Variants in BSN observed in about 807,000 individuals in gnomAD.
BSN encodes the protein protein bassoon.
A neutral mutation model predicts 264.8 loss-of-function variants in BSN; 57 were observed. The ratio of observed to expected loss-of-function variants is 0.22; its 90% CI spans 0.17 to 0.27. The LOEUF (loss-of-function observed/expected upper bound fraction) is 0.27. Ranked by LOEUF, BSN falls within the 10% of genes least tolerant of loss-of-function variation. The probability of loss-of-function intolerance (pLI) is 1.00; values close to 1 mark genes in which losing one functional copy is unlikely to be tolerated. For synonymous variants in BSN, 2,059 were observed against 2,137.3 expected, an observed-to-expected ratio of 0.96 and a Z score of 1.01; for missense variants, 4,615 against 5,232.5, an observed-to-expected ratio of 0.88 and a Z score of 3.64.
At chr3:49,658,234 T>A in intron 5 of BSN, 38 bp downstream of exon 5, 1 of 1,495,040 alleles carries the variant, frequency 6.7e-7, no homozygotes, top group Non-Finnish European at 8.9e-7. Context: ...GGGACAGGGG[T>A]CTCTGCCTAG....
At chr3:49,611,018 C>G (rs369170291) in intron 1 of BSN, among the ~76,000 whole-genome samples, 1 of 152,144 alleles carries the variant, frequency 6.6e-6, no homozygotes, top group Non-Finnish European at 1.5e-5. Context: ...CCAGGCAGCC[C>G]CTAAGGGCAG....
At position 49,653,357 on chromosome 3, in the gene BSN, A is replaced by G. The variant is rs1311458991; in HGVS notation, c.3801A>G (p.Ile1267Met). ...AAATCCTTCAGACATCACAGAGCAT[A>G]GTCCGCATGCGGCAGGCCTCCTCAC... ...YEEILQTSQS[I>M]VRMRQASSRD... Residue 1267 changes from isoleucine to methionine, a missense_variant, in exon 5 of 12, where the codon ATA (isoleucine) becomes ATG (methionine). Coordinates refer to ENST00000296452, the MANE Select transcript of BSN (RefSeq NM_003458.4). The surrounding 1 kb of genome is among the most constrained non-coding windows in gnomAD (Gnocchi z 6.3). The G allele has an allele frequency of 3.1e-6, 5 of 1,613,094 alleles. No individual in the cohort carries two copies. Among genetic ancestry groups the G allele is most frequent in the Middle Eastern group, 3.3e-4 (2 of 6,084 alleles).
intron 1 of BSN, among the ~76,000 whole-genome samples, chr3:49,565,356 C>T (rs538754139): frequency 1.1e-4 from 12 of 112,472 alleles, no homozygotes; most frequent in East Asian, 8.4e-4. Flanking sequence ...CTCGCTCTGT[C>T]GTCGCCCAGG....
chr3:49,660,823 A>C lies in BSN; in HGVS notation c.8978A>C (p.Asp2993Ala). Reference sequence around the variant, plus strand: ...CAACGCAAAGAGTCTTTGGCCAAAGACCGGGGTGGCCGTGACTACCCACCC... The same window carrying C: ...CAACGCAAAGAGTCTTTGGCCAAAGCCCGGGGTGGCCGTGACTACCCACCC... ...ITQRKESLAK[D>A]RGGRDYPPLR... is the part of the protein sequence containing the mutation. Residue 2993 changes from aspartate (D) to alanine (A), a missense_variant, in exon 6 of 12, where the codon GAC (aspartate) becomes GCC (alanine). By Grantham distance (126) the Asp-to-Ala change is moderately radical. Transcript: ENST00000296452. This position sits in a 1 kb window ranked among gnomAD's most constrained non-coding sequence, Gnocchi z 7.1. The C allele has an allele frequency of 6.2e-7, 1 of 1,612,808 alleles. No homozygotes were observed. The highest frequency in any genetic ancestry group is 1.1e-5 in the South Asian group (1 of 90,882).
At chr3:49,575,646 G>GTATATATA (rs2051840473) in intron 1 of BSN, among the ~76,000 whole-genome samples, 1 of 62,696 alleles carries the variant, frequency 1.6e-5, no homozygotes, top group Non-Finnish European at 2.8e-5. Context: ...GTATATATAT[G>GTATATATA]TGTGTGTGTG....
At chr3:49,635,718 T>C (rs2108066448) in intron 2 of BSN, among the ~76,000 whole-genome samples, 1 of 152,254 alleles carries the variant, frequency 6.6e-6, no homozygotes, top group East Asian at 1.9e-4. Flanking sequence ...CTCACACCTG[T>C]AATACCAGCA....
At chr3:49,591,513 A>AT (rs1360779541) in intron 1 of BSN, among the ~76,000 whole-genome samples, 3 of 151,668 alleles carry the variant, frequency 2.0e-5, no homozygotes, top group Non-Finnish European at 2.9e-5. Context: ...GCCACCAACA[A>AT]TTTTTTTTCC....
At chr3:49,572,064 G>T (rs1240921526) in intron 1 of BSN, among the ~76,000 whole-genome samples, 1 of 152,178 alleles carries the variant, frequency 6.6e-6, no homozygotes, top group Non-Finnish European at 1.5e-5. Flanking sequence ...ACAGTCAGCA[G>T]GTTGGATCCC....
intron 1 of BSN, among the ~76,000 whole-genome samples, chr3:49,558,002 C>T (rs1328848636): frequency 6.6e-6 from 1 of 152,206 alleles, no homozygotes; most frequent in East Asian, 1.9e-4. Flanking sequence ...CCCTGTCCTT[C>T]AGCACCTCAC....
Position 49,663,571 on chromosome 3 carries a change from C to T in BSN, c.11413C>T (p.Pro3805Ser). The T allele has an allele frequency of 6.2e-7, 1 of 1,606,134 alleles. No individual in the cohort carries two copies. The change falls in exon 7 of 12, where the codon CCA (proline) becomes TCA (serine). Residue 3805 changes from proline (P) to serine (S), a missense_variant. Coordinates refer to ENST00000296452, the MANE Select transcript of BSN (RefSeq NM_003458.4). ...TQARLQQQSQ[P>S]TTRGSAPAAS... ...GGCTCGGCTGCAGCAACAGAGCCAGCCAACCACCCGGGGCTCAGCCCCTGC... is the reference window on the plus strand; with the variant it reads ...GGCTCGGCTGCAGCAACAGAGCCAGTCAACCACCCGGGGCTCAGCCCCTGC...
chr3:49,600,469 A>G (rs1189645913), intron 1 of BSN, among the ~76,000 whole-genome samples: 1 of 152,146 alleles, frequency 6.6e-6, no homozygotes, highest in Non-Finnish European at 1.5e-5. Flanking sequence ...TTTAGACTTG[A>G]GTCTAAAGGT....
In BSN at chr3:49,653,826, A is replaced by G. The variant is rs755292493; in HGVS notation, c.4270A>G (p.Thr1424Ala). 4 of 1,614,014 alleles carry G rather than the reference A, an allele frequency of 2.5e-6. No individual in the cohort carries two copies. In the East Asian group the frequency reaches 6.7e-5, roughly 27 times the overall value. Reference sequence around the variant, plus strand: ...AGCCCACAGCTATGGACACAGCCCAACCACTGCAAACTATGGGTCCCAAAC... The same window carrying G: ...AGCCCACAGCTATGGACACAGCCCAGCCACTGCAAACTATGGGTCCCAAAC... ...STAHSYGHSPTTANYGSQTED... is the reference protein window; with the variant it reads ...STAHSYGHSPATANYGSQTED... Residue 1424 changes from threonine (T) to alanine (A), a missense_variant, in exon 5 of 12, where the codon ACC becomes GCC. Thr to Ala is a moderately conservative substitution (Grantham distance 58). Coordinates refer to ENST00000296452, the MANE Select transcript of BSN (RefSeq NM_003458.4). The surrounding 1 kb of genome is among the most constrained non-coding windows in gnomAD (Gnocchi z 6.3).
chr3:49,661,520 G>A lies in BSN; in HGVS notation c.9675G>A (p.Gln3225=). 1 of 1,614,096 alleles carries A rather than the reference G, an allele frequency of 6.2e-7. No homozygotes were observed. The highest frequency in any genetic ancestry group is 8.5e-7 in the Non-Finnish European group (1 of 1,180,028). The change falls in exon 6 of 12, where the codon CAG becomes CAA. Residue 3225 remains glutamine, a synonymous_variant. Coordinates refer to ENST00000296452, the MANE Select transcript of BSN (RefSeq NM_003458.4). The part of the protein sequence containing the change: ...PSDSHYTSLE[Q]NVPRNYVMID... ...ACTCACACTATACCAGTCTGGAGCA[G>A]AACGTTCCTCGAAACTACGTAATGA...
rs1393699237 is a variant in BSN at position 49,651,838 on chromosome 3, C to G, written c.2282C>G (p.Pro761Arg). 68 of 1,613,732 alleles carry G rather than the reference C, an allele frequency of 4.2e-5. No homozygotes were observed. The highest frequency in any genetic ancestry group is 5.7e-5 in the Non-Finnish European group (67 of 1,180,044). The stretch of plus-strand genomic sequence containing the variant: ...ACTGGCGAGGAGCAGAAGCAGCGGC[C>G]CCACTCCTTGTCCATCACGCCTGAG... The part of the protein sequence containing the change: ...SGTGEEQKQR[P>R]HSLSITPEAF... Residue 761 changes from proline (P) to arginine (R), a missense_variant, in exon 5 of 12, where the codon CCC (proline) becomes CGC (arginine). Transcript: ENST00000296452. The surrounding 1 kb of genome is among the most constrained non-coding windows in gnomAD (Gnocchi z 5.4).
Position 49,654,474 on chromosome 3 carries a change from A to G in BSN, c.4918A>G (p.Ile1640Val). The change falls in exon 5 of 12, where the codon ATC becomes GTC. Residue 1640 changes from isoleucine (I) to valine (V), a missense_variant. Transcript: ENST00000296452. This position sits in a 1 kb window ranked among gnomAD's most constrained non-coding sequence, Gnocchi z 4.1. ...CTGGGGTGCCCTCCCTGCTGAGAAC[A>G]TCTCCCTGTGCCGGATCTCCTCTGT... is the stretch of plus-strand genomic sequence containing the variant. Reference protein sequence around the residue: ...YGWGALPAENISLCRISSVPG... With the variant: ...YGWGALPAENVSLCRISSVPG... 6.2e-7 allele frequency: 1 copy of G among 1,609,180 alleles called. No individual in the cohort carries two copies. The highest frequency in any genetic ancestry group is 1.1e-5 in the South Asian group (1 of 90,096).
chr3:49,664,549 C>T lies in BSN; in HGVS notation c.11735C>T (p.Thr3912Met). Residue 3912 changes from threonine (T) to methionine (M), a missense_variant, in exon 9 of 12, where the codon ACG becomes ATG. Thr to Met is a moderately conservative substitution (Grantham distance 81). Transcript: ENST00000296452. Reference sequence around the variant, plus strand: ...GCAGCCGAGCAAGCTGGCAAACTGACGGAAGGTATGCACTGCCTGCAACTG... The same window carrying T: ...GCAGCCGAGCAAGCTGGCAAACTGATGGAAGGTATGCACTGCCTGCAACTG... ...GGAAEQAGKLTEAVSAFGKKF... is the reference protein window; with the variant it reads ...GGAAEQAGKLMEAVSAFGKKF... The T allele has an allele frequency of 7.5e-6, 12 of 1,603,252 alleles. No homozygotes were observed. The highest frequency in any genetic ancestry group is 1.0e-5 in the Non-Finnish European group (12 of 1,175,364).
Position 49,638,698 on chromosome 3 carries a change from A to G in BSN, c.634-3570A>G, listed in dbSNP as rs2052438249. 1.3e-5 allele frequency among the ~76,000 whole-genome samples: 2 copies of G among 152,202 alleles called. 1 individual carries two copies. Among genetic ancestry groups the G allele is most frequent in the African/African-American group, 4.8e-5 (2 of 41,462 alleles). On this transcript the variant is annotated intron_variant, in intron 2 of 11. Transcript: ENST00000296452. This position sits in a 1 kb window ranked among gnomAD's most constrained non-coding sequence, Gnocchi z 4.3. ...CTATTTTAGGTGAGATGCCTGTGCC[A>G]CAGCCTGGATGACAGGGGCTGGGGA...
chr3:49,597,584 G>A (rs924532851), intron 1 of BSN, among the ~76,000 whole-genome samples: 25 of 152,112 alleles, frequency 1.6e-4, no homozygotes, highest in African/African-American at 6.0e-4. Flanking sequence ...TCCTGCGTTG[G>A]CCTCTCAAAG....
chr3:49,643,783 G>A (rs1356686998), intron 3 of BSN, among the ~76,000 whole-genome samples: 1 of 152,200 alleles, frequency 6.6e-6, no homozygotes, highest in African/African-American at 2.4e-5. Flanking sequence ...TACTGGGGAT[G>A]CTCAGAGATG....
Sources: allele counts gnomAD v4.1 joint callset (sites outside exome capture counted in the v4.1 genomes callset), GRCh38; gene constraint gnomAD v4.1.1; non-coding constraint Gnocchi (gnomAD v3.1); transcripts MANE v1.5; gene names NCBI Gene and HGNC (gene_info 2026-07-23, HGNC 2026-07-21).